CNST: variants seen among roughly 807,000 people sequenced by gnomAD.
The protein encoded by CNST is consortin, connexin sorting protein.
Under a neutral mutation model 72.4 loss-of-function variants are expected in CNST, and 39 were observed. That is an observed-to-expected ratio of 0.54 (90% CI 0.42 to 0.70). The LOEUF is 0.70. Ranked by LOEUF, CNST falls within the 30% of genes least tolerant of loss-of-function variation. The pLI, the probability that CNST is intolerant of heterozygous loss-of-function variation, is 0.00. For missense variants in CNST, 871 were observed against 868.5 expected (o/e 1.00, Z -0.04); for synonymous variants, 332 against 320.1 (o/e 1.04, Z -0.40).
chr1:246,584,277 C>G (rs574534392), intron 1 of CNST, among the ~76,000 whole-genome samples: 1 of 152,062 alleles, frequency 6.6e-6, no homozygotes, highest in Non-Finnish European at 1.5e-5. Flanking sequence ...TAGAAGAATC[C>G]GAAATCGCTA....
chr1:246,606,441 C>G (rs7533379), intron 2 of CNST: 132,212 of 151,880 alleles, frequency 0.87, 57,636 homozygotes, highest in African/African-American at 0.91. Context: ...AGCAATTGGA[C>G]ATGTTAAACT....
chr1:246,611,586 A>G (rs1020709126), intron 2 of CNST, among the ~76,000 whole-genome samples: 3 of 152,226 alleles, frequency 2.0e-5, no homozygotes, highest in Non-Finnish European at 4.4e-5. Context: ...GGGAAGTAAT[A>G]TTATCTCTGT....
rs1281075359 is a variant in CNST, at chr1:246,647,133, C to A, written c.938-6C>A. On this transcript the variant is annotated splice_polypyrimidine_tract_variant and splice_region_variant and intron_variant, in intron 8 of 10. Coordinates refer to ENST00000366513, the MANE Select transcript of CNST (RefSeq NM_152609.3). ...TTTTTAACAATTTATTTTTCTTCAT[C>A]TTTAGAGAGTAAAACTTGTCTCGGC... is the stretch of plus-strand genomic sequence containing the variant. 1 of 1,602,546 alleles carries A rather than the reference C, an allele frequency of 6.2e-7. No homozygotes were observed. Among genetic ancestry groups the A allele is most frequent in the Non-Finnish European group, 8.5e-7 (1 of 1,175,474 alleles).
At chr1:246,611,702 C>T (rs1171182499) in intron 2 of CNST, among the ~76,000 whole-genome samples, 1 of 152,036 alleles carries the variant, frequency 6.6e-6, no homozygotes, top group Non-Finnish European at 1.5e-5. Context: ...ATAGAATTAC[C>T]ATTTAATCCA....
chr1:246,635,223 A>G (rs1321012623), intron 6 of CNST, among the ~76,000 whole-genome samples: 1 of 151,784 alleles, frequency 6.6e-6, no homozygotes, highest in East Asian at 2.0e-4. Flanking sequence ...AAAAGAAAAA[A>G]TTTTGGCGTA....
At chr1:246,591,256 G>A (rs1420079805) in intron 1 of CNST, among the ~76,000 whole-genome samples, 1 of 152,198 alleles carries the variant, frequency 6.6e-6, no homozygotes, top group East Asian at 1.9e-4. Context: ...AGATTCTGAT[G>A]TAATGGTCTA....
At position 246,610,856 on chromosome 1, in the gene CNST, C is replaced by T. The variant is rs537074680; in HGVS notation, c.380-10573C>T. ...AGTACCACAAACATTTTTGAATGCT[C>T]TGATTTCCCAAGGAAGCGATCTTCC... On this transcript the variant is annotated intron_variant, in intron 2 of 10. Coordinates refer to ENST00000366513, the MANE Select transcript of CNST (RefSeq NM_152609.3). Among the ~76,000 whole-genome samples the T allele has an allele frequency of 1.6e-3, 244 of 152,236 alleles. 7 individuals are homozygous for T. The South Asian group carries it at 0.045, about 28-fold the overall frequency.
intron 1 of CNST, among the ~76,000 whole-genome samples, chr1:246,585,215 C>T (rs546797506): frequency 1.3e-5 from 2 of 152,338 alleles, no homozygotes; most frequent in East Asian, 1.9e-4. Context: ...GCCTGCTCAA[C>T]ACTCTGCTCA....
At chr1:246,570,416 A>G (rs1346965639) in intron 1 of CNST, among the ~76,000 whole-genome samples, 1 of 152,220 alleles carries the variant, frequency 6.6e-6, no homozygotes, top group East Asian at 1.9e-4. Context: ...TGTTATATCT[A>G]CATTAATAGC....
intron 3 of CNST, among the ~76,000 whole-genome samples, chr1:246,631,504 T>C (rs1664771769): frequency 1.3e-5 from 2 of 152,356 alleles, no homozygotes; most frequent in South Asian, 4.1e-4. Flanking sequence ...CTTCACAGCA[T>C]TTGAAAGGAA....
At chr1:246,618,793 ACTT>A (rs1663861594) in intron 2 of CNST, among the ~76,000 whole-genome samples, 1 of 152,194 alleles carries the variant, frequency 6.6e-6, no homozygotes, top group Non-Finnish European at 1.5e-5. Flanking sequence ...CAAGCAGGAA[ACTT>A]GACCATTACA....
chr1:246,594,332 TA>T (rs1300451486), intron 2 of CNST, among the ~76,000 whole-genome samples: 1 of 152,220 alleles, frequency 6.6e-6, no homozygotes, highest in Non-Finnish European at 1.5e-5. Flanking sequence ...TAAAGTTATT[TA>T]GTATTTATAA....
At chr1:246,630,240 T>C (rs1477689002) in intron 3 of CNST, among the ~76,000 whole-genome samples, 4 of 152,220 alleles carry the variant, frequency 2.6e-5, no homozygotes, top group Non-Finnish European at 5.9e-5. Flanking sequence ...GACTGTTAAA[T>C]ATTAGCACAC....
intron 3 of CNST, among the ~76,000 whole-genome samples, chr1:246,622,664 CT>C (rs919431033): frequency 6.6e-6 from 1 of 152,046 alleles, no homozygotes; most frequent in African/African-American, 2.4e-5. Flanking sequence ...AAGAAGAACT[CT>C]TTTGAGGATT....
chr1:246,601,166 G>A (rs144662107), intron 2 of CNST, among the ~76,000 whole-genome samples: 41 of 152,094 alleles, frequency 2.7e-4, no homozygotes, highest in East Asian at 1.9e-4. Flanking sequence ...AATAGCAGGC[G>A]TGGTGGCATA....
Position 246,647,713 on chromosome 1 carries a change from C to A in CNST, c.1512C>A (p.Asp504Glu). ...CACCACAGGCGCAGGCTGACTCAGA[C>A]GGTTCTGAGAATGTGCTCTGTGGAA... Reference protein sequence around the residue: ...GKSPQAQADSDGSENVLCGNN... With the variant: ...GKSPQAQADSEGSENVLCGNN... Residue 504 changes from aspartate to glutamate, a missense_variant, in exon 9 of 11, where the codon GAC becomes GAA. By Grantham distance (45) the Asp-to-Glu change is conservative. Coordinates refer to ENST00000366513, the MANE Select transcript of CNST (RefSeq NM_152609.3). The A allele has an allele frequency of 6.2e-7, 1 of 1,614,096 alleles. No homozygotes were observed. The highest frequency in any genetic ancestry group is 8.5e-7 in the Non-Finnish European group (1 of 1,180,020).
intron 8 of CNST, among the ~76,000 whole-genome samples, chr1:246,645,187 G>T (rs1665960585): frequency 6.6e-6 from 1 of 152,054 alleles, no homozygotes; most frequent in Admixed American, 6.5e-5. Flanking sequence ...TCTGAAATCT[G>T]CAGGCAATGT....
rs575292243 is a variant in CNST, at chr1:246,620,630, C to T, written c.380-799C>T. On this transcript the variant is annotated intron_variant, in intron 2 of 10. Transcript: ENST00000366513. ...GCATACACACGATGGGCTCTGGGAA[C>T]ACTCTACAGGGAGGACGGCTTCAGT... is the stretch of plus-strand genomic sequence containing the variant. 3.1e-3 allele frequency among the ~76,000 whole-genome samples: 369 copies of T among 118,450 alleles called. 6 individuals carry two copies. The highest frequency in any genetic ancestry group is 0.01 in the African/African-American group (347 of 33,284). The allele number at this position is 118,450 out of a possible 152,430, so 77.7% of individuals were successfully genotyped here. A position where few individuals can be genotyped will look rare whatever the true frequency, so the allele number is the denominator to read the frequency against.
chr1:246,570,688 T>C (rs182886514), intron 1 of CNST, among the ~76,000 whole-genome samples: 100 of 142,968 alleles, frequency 7.0e-4, no homozygotes, highest in African/African-American at 2.5e-3. Context: ...TATAAGAAAA[T>C]AATAATGTTT....
Sources: allele counts gnomAD v4.1 joint callset (sites outside exome capture counted in the v4.1 genomes callset), GRCh38; gene constraint gnomAD v4.1.1; transcripts MANE v1.5; gene names NCBI Gene and HGNC (gene_info 2026-07-23, HGNC 2026-07-21).